The following TOP2B variants were observed in gnomAD, a reference collection of about 807,000 sequenced individuals.
The protein encoded by TOP2B is DNA topoisomerase II beta.
In TOP2B, 51 loss-of-function variants were observed where a neutral mutation model predicts 193.5. That is an observed-to-expected ratio of 0.26 (90% CI 0.21 to 0.33). The LOEUF is 0.33. Among genes scored for constraint, TOP2B ranks in the 10% least tolerant of loss-of-function variants. The probability of loss-of-function intolerance (pLI) is 1.00; values close to 1 mark genes in which losing one functional copy is unlikely to be tolerated. For synonymous variants in TOP2B, 634 were observed against 635.7 expected, an observed-to-expected ratio of 1.00 and a Z score of 0.04; for missense variants, 1,378 against 1,909.3, an observed-to-expected ratio of 0.72 and a Z score of 5.19.
At chr3:25,601,708 CTT>C (rs1214674746) in intron 33 of TOP2B, among the ~76,000 whole-genome samples, 2 of 152,048 alleles carry the variant, frequency 1.3e-5, no homozygotes, top group Non-Finnish European at 2.9e-5. Flanking sequence ...TGACAAAATG[CTT>C]TTTATTTAAT....
Position 25,623,907 on chromosome 3 carries a change from T to C in TOP2B, c.2496-161A>G, listed in dbSNP as rs562428852. ...CGCTTAATAATAAAATTTGCCTAAC[T>C]GTATTATTCAAATGCATCTTTCTCT... On this transcript the variant is annotated intron_variant, in intron 20 of 35. Transcript: ENST00000264331. 9.8e-5 allele frequency among the ~76,000 whole-genome samples: 15 copies of C among 152,330 alleles called. No homozygotes were observed. In the South Asian group the frequency reaches 2.9e-3, roughly 29 times the overall value.
At chr3:25,623,815 T>C in intron 20 of TOP2B, 69 bp from the exon 21 acceptor site, 1 of 977,058 alleles carries the variant, frequency 1.0e-6, no homozygotes, top group Non-Finnish European at 1.5e-6. Flanking sequence ...TATACATAAT[T>C]AAAAACTTCA....
intron 15 of TOP2B, among the ~76,000 whole-genome samples, chr3:25,628,155 G>A (rs1349881858): frequency 2.0e-5 from 3 of 147,764 alleles, no homozygotes; most frequent in African/African-American, 7.5e-5. Flanking sequence ...ACACTGGCTG[G>A]GTATTTAACA....
Position 25,628,837 on chromosome 3 carries a change from A to T in TOP2B, c.1906+10T>A. The T allele has an allele frequency of 1.4e-6, 2 of 1,449,726 alleles. No homozygotes were observed. Among genetic ancestry groups the T allele is most frequent in the Non-Finnish European group, 1.9e-6 (2 of 1,069,464 alleles). The allele number at this position is 1,449,726 out of a possible 1,614,324, so 89.8% of individuals were successfully genotyped here. ...CAGTATTTAAAATCTAAGTATTTTA[A>T]AATACAAACCTTTATAGTACTTTAT... On this transcript the variant is annotated intron_variant, in intron 15 of 35. Coordinates refer to ENST00000264331, the MANE Select transcript of TOP2B (RefSeq NM_001330700.2).
At chr3:25,609,735 A>T in intron 28 of TOP2B, 23 bp from the exon 29 acceptor site, 1 of 1,419,682 alleles carries the variant, frequency 7.0e-7, no homozygotes, top group Non-Finnish European at 9.2e-7. Context: ...AAGAAAATCA[A>T]GCCACGAGTA....
intron 25 of TOP2B, 170 bp from the exon 26 acceptor site, chr3:25,615,756 A>G (rs1702486764): frequency 3.7e-6 from 2 of 543,036 alleles, no homozygotes; most frequent in African/African-American, 3.9e-5. Flanking sequence ...CCTTATAAAA[A>G]GTTTAAAATT....
intron 34 of TOP2B, among the ~76,000 whole-genome samples, chr3:25,600,721 G>A (rs1280038179): frequency 3.3e-5 from 5 of 152,116 alleles, no homozygotes; most frequent in African/African-American, 4.8e-5. Context: ...TCTTAGGTGA[G>A]AAAAAAAGTT....
intron 10 of TOP2B, 25 bp downstream of exon 10, chr3:25,632,421 T>C (rs1559501700): frequency 6.6e-7 from 1 of 1,513,342 alleles, no homozygotes; most frequent in Non-Finnish European, 8.8e-7. Flanking sequence ...ATAACAACAA[T>C]AAAAAAAATA....
Position 25,626,752 on chromosome 3 carries a change from C to G in TOP2B, c.2109+20G>C. On this transcript the variant is annotated intron_variant, in intron 17 of 35. Transcript: ENST00000264331. The stretch of plus-strand genomic sequence containing the variant: ...TCTCTCTCTCCTTCTTTCCCCAGGT[C>G]ACCACTCTTTAAGACTAACCTCTGG... 6.3e-7 allele frequency: 1 copy of G among 1,582,268 alleles called. No individual in the cohort carries two copies. The highest frequency in any genetic ancestry group is 8.6e-7 in the Non-Finnish European group (1 of 1,156,436).
chr3:25,634,847 G>A (rs1703062093), intron 7 of TOP2B, among the ~76,000 whole-genome samples: 1 of 151,282 alleles, frequency 6.6e-6, no homozygotes, highest in Admixed American at 6.6e-5. Context: ...GACACAGGCT[G>A]AGAACACTGG....
intron 30 of TOP2B, among the ~76,000 whole-genome samples, chr3:25,607,958 A>G (rs922719448): frequency 6.6e-6 from 1 of 151,984 alleles, no homozygotes; most frequent in African/African-American, 2.4e-5. Flanking sequence ...TTTTTTTAAA[A>G]AATTGTTTTA....
Position 25,628,686 on chromosome 3 carries a change from A to G in TOP2B, c.1906+161T>C, listed in dbSNP as rs1263652849. On this transcript the variant is annotated intron_variant, in intron 15 of 35. Transcript: ENST00000264331. Reference sequence around the variant, plus strand: ...GATCCCATTCAATGAAATCTATTACACTATTCTACTTGCATACATTTTTCT... The same window carrying G: ...GATCCCATTCAATGAAATCTATTACGCTATTCTACTTGCATACATTTTTCT... Among the ~76,000 whole-genome samples, 4 of 151,872 alleles carry G rather than the reference A, an allele frequency of 2.6e-5. No homozygotes were observed. The East Asian group carries it at 7.7e-4, about 29-fold the overall frequency.
At chr3:25,635,908 T>C in intron 7 of TOP2B, 28 bp downstream of exon 7, 1 of 1,579,036 alleles carries the variant, frequency 6.3e-7, no homozygotes. Context: ...AATAACATAG[T>C]ATTAAAACTA....
At chr3:25,630,499 A>G in intron 11 of TOP2B, 30 bp from the exon 12 acceptor site, 2 of 1,486,278 alleles carry the variant, frequency 1.3e-6, no homozygotes, top group South Asian at 1.3e-5. Context: ...ATACATAGTA[A>G]AAATTTCTCA....
intron 4 of TOP2B, among the ~76,000 whole-genome samples, chr3:25,639,206 A>T (rs539933721): frequency 1.4e-4 from 21 of 152,354 alleles, no homozygotes; most frequent in African/African-American, 4.3e-4. Context: ...TAGCATGAGT[A>T]TGCAATATTT....
At chr3:25,663,759 T>C (rs1413716662) in intron 1 of TOP2B, among the ~76,000 whole-genome samples, 1 of 152,148 alleles carries the variant, frequency 6.6e-6, no homozygotes, top group Non-Finnish European at 1.5e-5. Context: ...TCCCAATGCA[T>C]TCTTCTTTGA....
At chr3:25,638,338 A>T in intron 4 of TOP2B, 28 bp from the exon 5 acceptor site, 1 of 1,345,606 alleles carries the variant, frequency 7.4e-7, no homozygotes, top group Non-Finnish European at 9.7e-7. Context: ...AAAAAAAAAA[A>T]AAAAAAAAAA....
At chr3:25,603,222 A>C (rs1187356190) in intron 33 of TOP2B, among the ~76,000 whole-genome samples, 1 of 152,030 alleles carries the variant, frequency 6.6e-6, no homozygotes, top group Non-Finnish European at 1.5e-5. Flanking sequence ...ATTATTTTTT[A>C]AAGGTGCTTT....
chr3:25,623,816 A>T (rs2125369338), intron 20 of TOP2B, 70 bp from the exon 21 acceptor site: 1 of 966,150 alleles, frequency 1.0e-6, no homozygotes, highest in South Asian at 1.6e-5. Flanking sequence ...ATACATAATT[A>T]AAAACTTCAC....
Sources: allele counts gnomAD v4.1 joint callset (sites outside exome capture counted in the v4.1 genomes callset), GRCh38; gene constraint gnomAD v4.1.1; transcripts MANE v1.5; gene names NCBI Gene and HGNC (gene_info 2026-07-23, HGNC 2026-07-21).